The following CAMK2A variants were observed in gnomAD, a reference collection of about 807,000 sequenced individuals.
CAMK2A encodes the protein calcium/calmodulin-dependent protein kinase type II subunit alpha.
In CAMK2A, 7 loss-of-function variants were observed where a neutral mutation model predicts 79.2. The ratio of observed to expected loss-of-function variants is 0.09; its 90% CI spans 0.05 to 0.17. CAMK2A has a LOEUF of 0.17. CAMK2A is among the 10% of genes least tolerant of loss of function. The pLI is 1.00. For missense variants in CAMK2A, 214 were observed against 646.4 expected, an observed-to-expected ratio of 0.33 and a Z score of 7.25; for synonymous variants, 242 against 251.7, an observed-to-expected ratio of 0.96 and a Z score of 0.36.
At chr5:150,264,388 C>T (rs1383631628) in intron 3 of CAMK2A, among the ~76,000 whole-genome samples, 1 of 152,232 alleles carries the variant, frequency 6.6e-6, no homozygotes, top group Non-Finnish European at 1.5e-5. Context: ...CCCCCAATTG[C>T]ACAAGGGCTG....
chr5:150,247,236 T>C (rs1562159501), intron 12 of CAMK2A, among the ~76,000 whole-genome samples: 1 of 152,252 alleles, frequency 6.6e-6, no homozygotes, highest in African/African-American at 2.4e-5. Flanking sequence ...CTGTGCTGAA[T>C]GCAGGCTCTG....
intron 1 of CAMK2A, among the ~76,000 whole-genome samples, chr5:150,288,584 C>A (rs1455446808): frequency 6.6e-6 from 1 of 152,160 alleles, no homozygotes; most frequent in Non-Finnish European, 1.5e-5. Context: ...CACCAATACA[C>A]ACCTGCCTCC....
chr5:150,265,178 T>C, intron 2 of CAMK2A, 163 bp from the exon 3 acceptor site: 1 of 626,964 alleles, frequency 1.6e-6, no homozygotes, highest in Non-Finnish European at 3.0e-6. Flanking sequence ...AGGAAGACCA[T>C]GGGGTGCAGT....
intron 17 of CAMK2A, among the ~76,000 whole-genome samples, chr5:150,226,560 A>C (rs1159313820): frequency 6.6e-6 from 1 of 151,778 alleles, no homozygotes; most frequent in Non-Finnish European, 1.5e-5. Flanking sequence ...AACATGGTGA[A>C]ACCCCGTCTC....
intron 3 of CAMK2A, among the ~76,000 whole-genome samples, chr5:150,264,427 G>A (rs1489633296): frequency 6.6e-6 from 1 of 152,242 alleles, no homozygotes; most frequent in Non-Finnish European, 1.5e-5. Flanking sequence ...GCGAGGTGTT[G>A]TTTCAGAGCC....
rs1265889817 is a variant in CAMK2A at position 150,221,192 on chromosome 5, A to G, written c.*1518T>C. 1.9e-5 allele frequency: 7 copies of G among 376,288 alleles called. No homozygotes were observed. The East Asian group carries it at 2.7e-4, about 14-fold the overall frequency. The allele number at this position is 376,288 out of a possible 1,614,324, so 23.3% of individuals were successfully genotyped here. On this transcript the variant is annotated 3_prime_UTR_variant, in exon 19 of 19. Coordinates refer to ENST00000671881, the MANE Select transcript of CAMK2A (RefSeq NM_015981.4). The stretch of plus-strand genomic sequence containing the variant: ...TTTCTTCTTTTTGTTTGTTTTCAAC[A>G]TACTTACTGCGTATAAAGTCATGCA...
intron 1 of CAMK2A, among the ~76,000 whole-genome samples, chr5:150,274,198 G>A (rs1756862985): frequency 6.6e-6 from 1 of 152,332 alleles, no homozygotes; most frequent in South Asian, 2.1e-4. Flanking sequence ...CTTTTCATGT[G>A]TTAAGAGGCT....
chr5:150,276,353 C>A (rs190209516), intron 1 of CAMK2A, among the ~76,000 whole-genome samples: 3 of 152,316 alleles, frequency 2.0e-5, no homozygotes, highest in Admixed American at 1.3e-4. Flanking sequence ...CTTGAATACC[C>A]AGCGTCTAGT....
At position 150,222,209 on chromosome 5, in the gene CAMK2A, G is replaced by A. The variant is rs543560329; in HGVS notation, c.*501C>T. Reference sequence around the variant, plus strand: ...TTGAGGCAGGAGGCTCCTGGCGTATGCTCTTCTCCCCACTCCTTCAGTGCG... The same window carrying A: ...TTGAGGCAGGAGGCTCCTGGCGTATACTCTTCTCCCCACTCCTTCAGTGCG... On this transcript the variant is annotated 3_prime_UTR_variant, in exon 19 of 19. Transcript: ENST00000671881. 1 of 441,290 alleles carries A rather than the reference G, an allele frequency of 2.3e-6. No individual in the cohort carries two copies. The highest frequency in any genetic ancestry group is 2.0e-5 in the African/African-American group (1 of 50,640). The allele number at this position is 441,290 out of a possible 1,614,324, so 27.3% of individuals were successfully genotyped here.
At chr5:150,274,097 A>C (rs1022241849) in intron 1 of CAMK2A, among the ~76,000 whole-genome samples, 5 of 152,204 alleles carry the variant, frequency 3.3e-5, no homozygotes, top group Non-Finnish European at 7.3e-5. Context: ...GTATTATCAA[A>C]CTTTTTTATA....
At chr5:150,225,409 G>A (rs1272698721) in intron 17 of CAMK2A, among the ~76,000 whole-genome samples, 2 of 152,210 alleles carry the variant, frequency 1.3e-5, no homozygotes, top group East Asian at 3.9e-4. Context: ...CTTACTCTGG[G>A]TCTGCCCTTG....
At position 150,221,283 on chromosome 5, in the gene CAMK2A, A is replaced by G. The variant is rs756627754; in HGVS notation, c.*1427T>C. Reference sequence around the variant, plus strand: ...AGGTATTCCACTCAGAGTCAATCCCAGGGAAAGAGGGAAAGAGGAAAAGAA... The same window carrying G: ...AGGTATTCCACTCAGAGTCAATCCCGGGGAAAGAGGGAAAGAGGAAAAGAA... On this transcript the variant is annotated 3_prime_UTR_variant, in exon 19 of 19. Coordinates refer to ENST00000671881, the MANE Select transcript of CAMK2A (RefSeq NM_015981.4). The G allele has an allele frequency of 1.2e-4, 48 of 397,330 alleles. No homozygotes were observed. Among genetic ancestry groups the G allele is most frequent in the Non-Finnish European group, 2.0e-4 (45 of 225,620 alleles). 24.6% of individuals were successfully genotyped at this position (397,330 alleles called of 1,614,324 possible).
chr5:150,283,464 T>G (rs1426325124), intron 1 of CAMK2A, among the ~76,000 whole-genome samples: 1 of 152,100 alleles, frequency 6.6e-6, no homozygotes, highest in Non-Finnish European at 1.5e-5. Context: ...ATCCTCAGAC[T>G]CCGGGGCTCA....
chr5:150,233,383 C>G (rs963341761), intron 15 of CAMK2A, among the ~76,000 whole-genome samples: 20 of 152,326 alleles, frequency 1.3e-4, no homozygotes, highest in Admixed American at 1.2e-3. Context: ...GTAGATGTAG[C>G]AGTGATCATT....
chr5:150,242,825 C>T (rs1485498864), intron 13 of CAMK2A, among the ~76,000 whole-genome samples: 1 of 152,212 alleles, frequency 6.6e-6, no homozygotes, highest in East Asian at 1.9e-4. Context: ...AGGCCAGGCT[C>T]CCCAGATCCT....
At chr5:150,288,360 TACTC>T (rs1315215441) in intron 1 of CAMK2A, among the ~76,000 whole-genome samples, 5 of 152,104 alleles carry the variant, frequency 3.3e-5, no homozygotes, top group African/African-American at 1.2e-4. Context: ...ACTCTTGTAA[TACTC>T]ACACACATGC....
At chr5:150,274,585 C>T (rs137991513) in intron 1 of CAMK2A, among the ~76,000 whole-genome samples, 79 of 152,316 alleles carry the variant, frequency 5.2e-4, no homozygotes, top group Non-Finnish European at 9.7e-4. Context: ...GCACCCTAAC[C>T]CCATGCTAAT....
intron 1 of CAMK2A, among the ~76,000 whole-genome samples, chr5:150,285,948 C>A (rs940792643): frequency 6.6e-6 from 1 of 152,082 alleles, no homozygotes; most frequent in Non-Finnish European, 1.5e-5. Context: ...GAACGTGACC[C>A]CTTCCCTGGG....
intron 18 of CAMK2A, 78 bp from the exon 19 acceptor site, chr5:150,222,791 T>C: frequency 6.3e-7 from 1 of 1,575,876 alleles, no homozygotes; most frequent in Non-Finnish European, 8.7e-7. Context: ...CCGCTTTAGA[T>C]GGAGTCCATG....
Sources: allele counts gnomAD v4.1 joint callset (sites outside exome capture counted in the v4.1 genomes callset), GRCh38; gene constraint gnomAD v4.1.1; transcripts MANE v1.5; gene names NCBI Gene and HGNC (gene_info 2026-07-23, HGNC 2026-07-21).